Variants in PRKCQ observed in about 807,000 individuals in gnomAD.
PRKCQ encodes protein kinase C theta type.
Under a neutral mutation model 91.2 loss-of-function variants are expected in PRKCQ, and 41 were observed. That is an observed-to-expected ratio of 0.45 (90% CI 0.35 to 0.58). PRKCQ has a LOEUF of 0.58. PRKCQ is among the 20% of genes least tolerant of loss of function. The pLI, the probability that PRKCQ is intolerant of heterozygous loss-of-function variation, is 0.00. For synonymous variants in PRKCQ, 307 were observed against 316.9 expected, an observed-to-expected ratio of 0.97 and a Z score of 0.33; for missense variants, 673 against 896.5, an observed-to-expected ratio of 0.75 and a Z score of 3.18.
At chr10:6,431,379 C>T (rs1833417595) in intron 16 of PRKCQ, among the ~76,000 whole-genome samples, 1 of 152,090 alleles carries the variant, frequency 6.6e-6, no homozygotes, top group African/African-American at 2.4e-5. Flanking sequence ...TGGACATAAA[C>T]ACACACTGGC....
intron 16 of PRKCQ, 135 bp from the exon 17 acceptor site, chr10:6,431,073 T>TA (rs1833395105): frequency 9.4e-6 from 11 of 1,168,678 alleles, no homozygotes; most frequent in Non-Finnish European, 1.3e-5. Flanking sequence ...CAGGACTGAC[T>TA]AAAGTCAACC....
rs1838791381 is a variant in PRKCQ at position 6,517,042 on chromosome 10, C to T, written c.-9-1898G>A. ...CTTTAGAAATGTATGTCAGACATGA[C>T]CTGACATACACCTGACATCTAGAAG... On this transcript the variant is annotated intron_variant, in intron 1 of 17. Transcript: ENST00000263125. Among the ~76,000 whole-genome samples the T allele has an allele frequency of 3.9e-5, 6 of 152,246 alleles. No individual in the cohort carries two copies. In the South Asian group the frequency reaches 1.2e-3, roughly 32 times the overall value.
chr10:6,447,697 C>A lies in PRKCQ; in HGVS notation c.1648-5616G>T, dbSNP rs1353501333. On this transcript the variant is annotated intron_variant, in intron 15 of 17. Transcript: ENST00000263125. ...TTCTCCTCACAGGAACGATGGGTGC[C>A]TGCCAGATGGCCTCTGTCCCAGCAG... Among the ~76,000 whole-genome samples the A allele has an allele frequency of 3.3e-5, 5 of 152,172 alleles. No homozygotes were observed. The East Asian group carries it at 9.6e-4, about 29-fold the overall frequency.
At chr10:6,529,152 G>A (rs111506557) in intron 1 of PRKCQ, among the ~76,000 whole-genome samples, 7 of 152,154 alleles carry the variant, frequency 4.6e-5, no homozygotes, top group Non-Finnish European at 8.8e-5. Flanking sequence ...TGGGATCAAT[G>A]AGGATTTCTA....
downstream of PRKCQ, among the ~76,000 whole-genome samples, chr10:6,425,780 C>T (rs1437793749): frequency 6.6e-6 from 1 of 152,126 alleles, no homozygotes; most frequent in Admixed American, 6.6e-5. Flanking sequence ...CATAGGGAGA[C>T]TCTGTCTCTA....
rs921810282 is a variant in PRKCQ at position 6,427,860 on chromosome 10, TC to T, written c.*346del. 7.6e-6 allele frequency: 2 copies of T among 264,440 alleles called. No homozygotes were observed. Among genetic ancestry groups the T allele is most frequent in the African/African-American group, 2.3e-5 (1 of 43,550 alleles). 16.4% of individuals were successfully genotyped at this position (264,440 alleles called of 1,614,324 possible). A position where few individuals can be genotyped will look rare whatever the true frequency, so the allele number is the denominator to read the frequency against. Reference sequence around the variant, plus strand: ...CCTGATTCAACAAGCATTTCATTGATCAGCAGTTGGCGCCCAGGTGAAGAGC... The same window carrying T: ...CCTGATTCAACAAGCATTTCATTGATAGCAGTTGGCGCCCAGGTGAAGAGC... On this transcript the variant is annotated 3_prime_UTR_variant, in exon 18 of 18. Transcript: ENST00000263125.
intron 13 of PRKCQ, 100 bp from the exon 14 acceptor site, chr10:6,462,465 A>T: frequency 1.0e-6 from 1 of 965,724 alleles, no homozygotes; most frequent in Non-Finnish European, 1.6e-6. Context: ...GTGTATGGCT[A>T]AATGGCATAC....
chr10:6,512,728 A>G (rs1838544834), intron 2 of PRKCQ, among the ~76,000 whole-genome samples: 1 of 152,240 alleles, frequency 6.6e-6, no homozygotes, highest in African/African-American at 2.4e-5. Flanking sequence ...GCAGACATTT[A>G]GCATTTGTTA....
Position 6,554,018 on chromosome 10 carries a change from A to G in PRKCQ, c.-10+26193T>C, listed in dbSNP as rs567470453. Among the ~76,000 whole-genome samples the G allele has an allele frequency of 5.9e-5, 9 of 152,024 alleles. No homozygotes were observed. In the East Asian group the frequency reaches 1.7e-3, roughly 29 times the overall value. ...GCAGACATCAAGTCTCGGAGCACTC[A>G]TTCAAGTAGTAGTTCAAGTAGGGAA... is the stretch of plus-strand genomic sequence containing the variant. On this transcript the variant is annotated intron_variant, in intron 1 of 17. Transcript: ENST00000263125.
At chr10:6,426,138 C>G (rs933679012), downstream of PRKCQ, among the ~76,000 whole-genome samples, 3 of 152,200 alleles carry the variant, frequency 2.0e-5, no homozygotes, top group Non-Finnish European at 4.4e-5. Flanking sequence ...GATTTAGAAC[C>G]AGAAAGCGCT....
chr10:6,466,858 G>A (rs1375240161), intron 12 of PRKCQ, among the ~76,000 whole-genome samples: 1 of 152,106 alleles, frequency 6.6e-6, no homozygotes, highest in Admixed American at 6.5e-5. Context: ...CAAGAAGAAT[G>A]AGACTCAGAG....
intron 1 of PRKCQ, among the ~76,000 whole-genome samples, chr10:6,535,907 C>T (rs548337965): frequency 6.6e-6 from 1 of 152,230 alleles, no homozygotes; most frequent in South Asian, 2.1e-4. Flanking sequence ...TGAGGAAATG[C>T]CCCCAGCCTC....
At chr10:6,573,920 T>A (rs1317526147) in intron 1 of PRKCQ, among the ~76,000 whole-genome samples, 1 of 152,160 alleles carries the variant, frequency 6.6e-6, no homozygotes, top group Non-Finnish European at 1.5e-5. Flanking sequence ...AGTTAGAGAC[T>A]AGCCTGGGCA....
chr10:6,563,956 G>C (rs578167731), intron 1 of PRKCQ, among the ~76,000 whole-genome samples: 2 of 152,226 alleles, frequency 1.3e-5, no homozygotes, highest in African/African-American at 2.4e-5. Context: ...GGCCTTTGCA[G>C]AGGAGGTGAG....
chr10:6,504,535 C>A (rs113445382), intron 4 of PRKCQ, among the ~76,000 whole-genome samples: 1,647 of 152,300 alleles, frequency 0.011, 12 homozygotes, highest in Middle Eastern at 0.02. Flanking sequence ...ACCTTTAATG[C>A]CCACACTGTG....
chr10:6,446,804 A>G (rs924078178), intron 15 of PRKCQ, among the ~76,000 whole-genome samples: 1 of 152,206 alleles, frequency 6.6e-6, no homozygotes, highest in Non-Finnish European at 1.5e-5. Context: ...GACCCAAAGA[A>G]TCAGATGCAC....
At chr10:6,451,910 A>G (rs1352423321) in intron 15 of PRKCQ, among the ~76,000 whole-genome samples, 1 of 152,234 alleles carries the variant, frequency 6.6e-6, no homozygotes, top group Non-Finnish European at 1.5e-5. Context: ...TAAATTAAGT[A>G]TTGATGGGAT....
chr10:6,578,956 G>A (rs538795796), intron 1 of PRKCQ, among the ~76,000 whole-genome samples: 6 of 152,274 alleles, frequency 3.9e-5, no homozygotes, highest in African/African-American at 1.4e-4. Context: ...ACACAGCCTC[G>A]GGCAAGAAGG....
At chr10:6,476,414 A>C (rs1298622812) in intron 12 of PRKCQ, among the ~76,000 whole-genome samples, 1 of 152,216 alleles carries the variant, frequency 6.6e-6, no homozygotes, top group African/African-American at 2.4e-5. Context: ...CATACACAGA[A>C]AGATATAATA....
Sources: allele counts gnomAD v4.1 joint callset (sites outside exome capture counted in the v4.1 genomes callset), GRCh38; gene constraint gnomAD v4.1.1; transcripts MANE v1.5; gene names NCBI Gene and HGNC (gene_info 2026-07-23, HGNC 2026-07-21).